The following PAPOLA variants were observed in gnomAD, a reference collection of about 807,000 sequenced individuals.
PAPOLA encodes polynucleotide adenylyltransferase alpha.
PAPOLA carries 15 observed loss-of-function variants against 100.6 expected under a neutral mutation model. The observed-to-expected ratio is 0.15, with a 90% CI of 0.10 to 0.23. PAPOLA has a LOEUF of 0.23. Ranked by LOEUF, PAPOLA falls within the 10% of genes least tolerant of loss-of-function variation. The probability of loss-of-function intolerance (pLI) is 1.00; values close to 1 mark genes in which losing one functional copy is unlikely to be tolerated. For missense variants in PAPOLA, 533 were observed against 884.2 expected (o/e 0.60, Z 5.04); for synonymous variants, 293 against 300.0 (o/e 0.98, Z 0.24).
At chr14:96,522,042 T>C (rs1898013313) in intron 3 of PAPOLA, among the ~76,000 whole-genome samples, 1 of 151,510 alleles carries the variant, frequency 6.6e-6, no homozygotes, top group Non-Finnish European at 1.5e-5. Context: ...CCTCAAGTGA[T>C]CCACCTTCCT....
chr14:96,537,538 C>G (rs1899640956), intron 12 of PAPOLA: 1 of 156,072 alleles, frequency 6.4e-6, no homozygotes, highest in African/African-American at 2.4e-5. Flanking sequence ...GCCATTTTCC[C>G]CCAATGTTAT....
intron 3 of PAPOLA, among the ~76,000 whole-genome samples, chr14:96,523,903 C>G (rs554766194): frequency 2.0e-5 from 3 of 151,034 alleles, no homozygotes; most frequent in South Asian, 4.2e-4. Flanking sequence ...AGATTGCGCC[C>G]GTTGCACTGC....
chr14:96,532,266 TTTTTGTTTTG>T (rs530933490), intron 7 of PAPOLA, 55 bp from the exon 8 acceptor site: 1 of 1,494,426 alleles, frequency 6.7e-7, no homozygotes, highest in East Asian at 2.4e-5. Context: ...ATGTTGTTTT[TTTTTGTTTTG>T]TTTTGTTTTG....
chr14:96,542,487 T>G, intron 13 of PAPOLA, 191 bp downstream of exon 13: 1 of 553,602 alleles, frequency 1.8e-6, no homozygotes. Context: ...TTTTTTTGTT[T>G]GCTTTATGGA....
At chr14:96,534,370 T>C in intron 9 of PAPOLA, 121 bp from the exon 10 acceptor site, 3 of 1,501,838 alleles carry the variant, frequency 2.0e-6, no homozygotes, top group Non-Finnish European at 2.7e-6. Flanking sequence ...ATTAAAACGT[T>C]GTATGTACCA....
intron 6 of PAPOLA, among the ~76,000 whole-genome samples, chr14:96,528,776 C>T (rs1032323731): frequency 6.6e-6 from 1 of 152,116 alleles, no homozygotes; most frequent in Non-Finnish European, 1.5e-5. Flanking sequence ...AAAATGGCTG[C>T]ATCTAAGGTT....
intron 11 of PAPOLA, among the ~76,000 whole-genome samples, chr14:96,536,706 G>C (rs964448708): frequency 2.0e-5 from 3 of 151,978 alleles, no homozygotes. Context: ...CGGGTAACTG[G>C]AGTGTTTAAG....
intron 19 of PAPOLA, among the ~76,000 whole-genome samples, chr14:96,559,579 C>CTATATT (rs1171924653): frequency 2.8e-5 from 3 of 108,450 alleles, no homozygotes; most frequent in African/African-American, 1.2e-4. Context: ...CTCTCTCTCT[C>CTATATT]TCTATATATA....
intron 1 of PAPOLA, among the ~76,000 whole-genome samples, chr14:96,517,300 A>T (rs36034232): frequency 6.6e-6 from 1 of 152,228 alleles, no homozygotes; most frequent in South Asian, 2.1e-4. Context: ...AATGAATAAC[A>T]CAAGATAATA....
At chr14:96,521,144 C>A in intron 3 of PAPOLA, 72 bp downstream of exon 3, 1 of 766,082 alleles carries the variant, frequency 1.3e-6, no homozygotes, top group East Asian at 2.5e-5. Context: ...TCTTATATAA[C>A]CTGTTCTTAT....
Position 96,534,436 on chromosome 14 carries a change from C to A in PAPOLA, c.837-55C>A, listed in dbSNP as rs372344806. 109 of 1,592,986 alleles carry A rather than the reference C, an allele frequency of 6.8e-5. No individual in the cohort carries two copies. In the East Asian group the frequency reaches 9.2e-4, roughly 13 times the overall value. On this transcript the variant is annotated intron_variant, in intron 9 of 21. Coordinates refer to ENST00000216277, the MANE Select transcript of PAPOLA (RefSeq NM_032632.5). ...CAAATGCTGTATGTTTAACAAAATACGTTTAGATGGTAATATCCAATAGTC... is the reference window on the plus strand; with the variant it reads ...CAAATGCTGTATGTTTAACAAAATAAGTTTAGATGGTAATATCCAATAGTC...
intron 1 of PAPOLA, among the ~76,000 whole-genome samples, chr14:96,519,459 A>G (rs762373838): frequency 1.3e-5 from 2 of 152,232 alleles, no homozygotes; most frequent in Non-Finnish European, 2.9e-5. Context: ...CTTATCTTAA[A>G]ATGGATAAAA....
At chr14:96,521,601 TG>T (rs376016246) in intron 3 of PAPOLA, among the ~76,000 whole-genome samples, 19 of 152,242 alleles carry the variant, frequency 1.2e-4, no homozygotes, top group African/African-American at 4.6e-4. Context: ...GCAGTCCTCC[TG>T]GCCTCAGCCT....
intron 1 of PAPOLA, among the ~76,000 whole-genome samples, chr14:96,506,484 T>C (rs1896725232): frequency 2.6e-5 from 4 of 152,172 alleles, no homozygotes. Context: ...TTTAGGAGAC[T>C]TAAATGAGAA....
Position 96,527,446 on chromosome 14 carries a change from G to A in PAPOLA, c.348G>A (p.Ala116=), listed in dbSNP as rs1487662109. The A allele has an allele frequency of 6.8e-6, 11 of 1,609,642 alleles. No individual in the cohort carries two copies. Among genetic ancestry groups the A allele is most frequent in the African/African-American group, 1.3e-5 (1 of 74,904 alleles). The change falls in exon 5 of 22, where the codon GCG becomes GCA. Residue 116 remains alanine (A), a synonymous_variant. Coordinates refer to ENST00000216277, the MANE Select transcript of PAPOLA (RefSeq NM_032632.5). ...TTTTTTTAGGTGCTGATATTGATGC[G>A]TTGTGTGTTGCACCAAGACATGTTG... ...GVHTKGADID[A]LCVAPRHVDR... is the part of the protein sequence containing the mutation.
chr14:96,503,928 T>G (rs553506764), intron 1 of PAPOLA, among the ~76,000 whole-genome samples: 1 of 152,304 alleles, frequency 6.6e-6, no homozygotes, highest in South Asian at 2.1e-4. Context: ...ACCCACCCCC[T>G]TAGGTTATTA....
At chr14:96,527,735 G>A in intron 5 of PAPOLA, 196 bp downstream of exon 5, 1 of 609,102 alleles carries the variant, frequency 1.6e-6, no homozygotes. Context: ...TTAGGAAATT[G>A]AGGCAAACAA....
In PAPOLA at chr14:96,565,530, G is replaced by A; in HGVS notation, c.*480G>A. 4.9e-6 allele frequency: 2 copies of A among 410,334 alleles called. No individual in the cohort carries two copies. The highest frequency in any genetic ancestry group is 8.6e-6 in the Non-Finnish European group (2 of 231,700). The allele number at this position is 410,334 out of a possible 1,614,324, so 25.4% of individuals were successfully genotyped here. A position where few individuals can be genotyped will look rare whatever the true frequency, so the allele number is the denominator to read the frequency against. ...ACCATTAGTCTTCAAATTGGATACT[G>A]TTGTGCAGTGGTGTACTGTTATACT... On this transcript the variant is annotated 3_prime_UTR_variant, in exon 22 of 22. Transcript: ENST00000216277.
At chr14:96,564,088 A>C (rs1902089521) in intron 21 of PAPOLA, among the ~76,000 whole-genome samples, 1 of 152,094 alleles carries the variant, frequency 6.6e-6, no homozygotes, top group Non-Finnish European at 1.5e-5. Flanking sequence ...TTAAAAAAAA[A>C]TTCATTCCTA....
Sources: gnomAD v4.1 joint callset for allele counts (sites outside exome capture counted in the v4.1 genomes callset) on GRCh38, gnomAD v4.1.1 for gene constraint, MANE v1.5 for transcripts, NCBI Gene and HGNC (gene_info 2026-07-23, HGNC 2026-07-21) for gene names.